The following DISP3 variants were observed in gnomAD, a reference collection of about 807,000 sequenced individuals.
The protein encoded by DISP3 is dispatched RND transporter family member 3.
Under a neutral mutation model 135.3 loss-of-function variants are expected in DISP3, and 101 were observed. The observed-to-expected ratio is 0.75, with a 90% CI of 0.64 to 0.88. DISP3 has a LOEUF of 0.88. Ranked by LOEUF, DISP3 falls within the 40% of genes least tolerant of loss-of-function variation. The pLI, the probability that DISP3 is intolerant of heterozygous loss-of-function variation, is 0.00. For missense variants in DISP3, 1,713 were observed against 1,878.6 expected, an observed-to-expected ratio of 0.91 and a Z score of 1.63; for synonymous variants, 856 against 817.0, an observed-to-expected ratio of 1.05 and a Z score of -0.81.
At chr1:11,482,580 G>T (rs570027367) in intron 1 of DISP3, among the ~76,000 whole-genome samples, 7 of 152,266 alleles carry the variant, frequency 4.6e-5, no homozygotes, top group African/African-American at 1.7e-4. Flanking sequence ...TAGTAGTGAT[G>T]GTTGACAATA....
chr1:11,493,213 G>A (rs1207823865), intron 1 of DISP3, among the ~76,000 whole-genome samples: 2 of 152,202 alleles, frequency 1.3e-5, no homozygotes, highest in Admixed American at 6.5e-5. Flanking sequence ...AGGGCCAATG[G>A]TGTAAGTTCT....
intron 13 of DISP3, among the ~76,000 whole-genome samples, chr1:11,528,631 C>T (rs78168531): frequency 7.2e-5 from 11 of 152,340 alleles, no homozygotes; most frequent in Non-Finnish European, 1.3e-4. Context: ...AACAGTGGTA[C>T]AAGGCCATGC....
At chr1:11,532,771 C>T (rs1037531561) in intron 17 of DISP3, among the ~76,000 whole-genome samples, 3 of 152,178 alleles carry the variant, frequency 2.0e-5, no homozygotes, top group African/African-American at 4.8e-5. Flanking sequence ...GATCTTGGCT[C>T]ACTGCAACCT....
At chr1:11,530,097 C>A (rs1282959710) in intron 15 of DISP3, 138 bp downstream of exon 15, 3 of 1,173,164 alleles carry the variant, frequency 2.6e-6, no homozygotes, top group Non-Finnish European at 2.3e-6. Flanking sequence ...CAGACAGAAC[C>A]CCTATGGGCC....
In DISP3 at chr1:11,535,065, C is replaced by G; in HGVS notation, c.3590C>G (p.Ala1197Gly). The G allele has an allele frequency of 6.2e-7, 1 of 1,608,000 alleles. No homozygotes were observed. Among genetic ancestry groups the G allele is most frequent in the East Asian group, 2.2e-5 (1 of 44,722 alleles). The change falls in exon 19 of 21, where the codon GCG becomes GGG. Residue 1197 changes from alanine (A) to glycine (G), a missense_variant. This residue lies in a region of DISP3 where 1,142 missense variants were observed against 1,384.6 expected (regional missense o/e 0.82). Coordinates refer to ENST00000294484, the MANE Select transcript of DISP3 (RefSeq NM_020780.2). ...CTATCCCTGCTCATCTGCGTGGCCG[C>G]GGTGGCCGTGTTCACCACCCACATC... The part of the protein sequence containing the change: ...LVLSLLICVA[A>G]VAVFTTHILL...
chr1:11,512,567 C>CTA (rs1431870394), intron 3 of DISP3, among the ~76,000 whole-genome samples: 1 of 152,200 alleles, frequency 6.6e-6, no homozygotes, highest in Non-Finnish European at 1.5e-5. Flanking sequence ...GTCCATATCA[C>CTA]TATCAGCATT....
In DISP3 at chr1:11,520,642, C is replaced by T; in HGVS notation, c.2201-45C>T. The T allele has an allele frequency of 6.3e-7, 1 of 1,593,242 alleles. No individual in the cohort carries two copies. Among genetic ancestry groups the T allele is most frequent in the Non-Finnish European group, 8.6e-7 (1 of 1,167,066 alleles). On this transcript the variant is annotated intron_variant, in intron 9 of 20. Transcript: ENST00000294484. The surrounding 1 kb of genome is among the most constrained non-coding windows in gnomAD (Gnocchi z 4.8). ...ACTTTGGAGCCCCACTGGGAACAGA[C>T]CAGCTGGGCCCAGCCCCGCCTGGTG...
Position 11,529,561 on chromosome 1 carries a change from T to C in DISP3, c.2804T>C (p.Leu935Pro). The C allele has an allele frequency of 6.4e-7, 1 of 1,558,048 alleles. No homozygotes were observed. The highest frequency in any genetic ancestry group is 8.7e-7 in the Non-Finnish European group (1 of 1,149,448). The change falls in exon 14 of 21, where the codon CTG becomes CCG. Residue 935 changes from leucine to proline, a missense_variant. Transcript: ENST00000294484. This position sits in a 1 kb window ranked among gnomAD's most constrained non-coding sequence, Gnocchi z 4.7. Reference sequence around the variant, plus strand: ...AGCCTCCATTCCCTCCACAGGAAGCTGTACTTCGCCCAGTCCCACAAGCCC... The same window carrying C: ...AGCCTCCATTCCCTCCACAGGAAGCCGTACTTCGCCCAGTCCCACAAGCCC... Reference protein sequence around the residue: ...ATKEQQHTRKLYFAQSHKPPF... With the variant: ...ATKEQQHTRKPYFAQSHKPPF...
intron 12 of DISP3, among the ~76,000 whole-genome samples, chr1:11,525,576 G>C (rs763095726): frequency 6.0e-4 from 91 of 152,344 alleles, no homozygotes; most frequent in Admixed American, 1.4e-3. Flanking sequence ...CTTACTCTCT[G>C]AGCCTCAGTT....
chr1:11,505,077 C>G (rs1398441266), intron 3 of DISP3, among the ~76,000 whole-genome samples: 1 of 152,232 alleles, frequency 6.6e-6, no homozygotes, highest in Non-Finnish European at 1.5e-5. Context: ...AATTGTAACT[C>G]ACAGTACATT....
intron 11 of DISP3, 129 bp from the exon 12 acceptor site, chr1:11,525,047 C>A: frequency 1.7e-6 from 2 of 1,157,486 alleles, no homozygotes; most frequent in Non-Finnish European, 2.5e-6. Context: ...GCACAGCCAG[C>A]ATTTTGAGAT....
At chr1:11,517,962 A>C (rs1229460785) in intron 7 of DISP3, among the ~76,000 whole-genome samples, 1 of 152,062 alleles carries the variant, frequency 6.6e-6, no homozygotes, top group Non-Finnish European at 1.5e-5. Context: ...CTGGATTTAA[A>C]CCCAAGAACT....
intron 1 of DISP3, among the ~76,000 whole-genome samples, chr1:11,493,062 A>G (rs1483485102): frequency 6.6e-6 from 1 of 152,182 alleles, no homozygotes; most frequent in East Asian, 1.9e-4. Flanking sequence ...GCATATATAT[A>G]TCAGAGAGAG....
chr1:11,487,318 C>T (rs2100360018), intron 1 of DISP3, among the ~76,000 whole-genome samples: 1 of 152,298 alleles, frequency 6.6e-6, no homozygotes, highest in African/African-American at 2.4e-5. Context: ...CATGGATGTC[C>T]TCCCTTCCTG....
chr1:11,517,603 G>A lies in DISP3; in HGVS notation c.1889+1G>A, dbSNP rs1393299232. 1.2e-6 allele frequency: 2 copies of A among 1,613,032 alleles called. No homozygotes were observed. The highest frequency in any genetic ancestry group is 3.3e-5 in the Admixed American group (2 of 60,004). On this transcript the variant is annotated splice_donor_variant, in intron 7 of 20. Transcript: ENST00000294484. LOFTEE classifies it high-confidence loss of function. The stretch of plus-strand genomic sequence containing the variant: ...CACTGGAGAGCTCCTGCCAGACCAG[G>A]TAAGTCGGGCAGGGCCTCCACCCAC...
chr1:11,524,096 G>A (rs969220914), intron 11 of DISP3, 41 bp downstream of exon 11: 10 of 1,476,238 alleles, frequency 6.8e-6, no homozygotes, highest in Non-Finnish European at 9.5e-6. Flanking sequence ...CCTCCCTGGT[G>A]CTAGGGTTGA....
intron 1 of DISP3, among the ~76,000 whole-genome samples, chr1:11,488,517 C>T (rs1411103246): frequency 1.3e-5 from 2 of 152,202 alleles, no homozygotes; most frequent in Admixed American, 1.3e-4. Flanking sequence ...CACCTGGGCA[C>T]CCGTGGTGGG....
chr1:11,509,009 AC>A (rs1327451398), intron 3 of DISP3, among the ~76,000 whole-genome samples: 2 of 152,164 alleles, frequency 1.3e-5, no homozygotes, highest in Non-Finnish European at 2.9e-5. Context: ...TCGATTTGAA[AC>A]TTTTCTTTCC....
At position 11,535,604 on chromosome 1, in the gene DISP3, A is replaced by T; in HGVS notation, c.3776A>T (p.Tyr1259Phe). The stretch of plus-strand genomic sequence containing the variant: ...TACTGCGTCCACCTGGTCGAGGGCT[A>T]CCTGCTGGCTGGAGAGAACCTGCCC... ...VDYCVHLVEG[Y>F]LLAGENLPPH... Residue 1259 changes from tyrosine to phenylalanine, a missense_variant, in exon 20 of 21, where the codon TAC becomes TTC. Tyr to Phe is a conservative substitution (Grantham distance 22, BLOSUM62 3). Coordinates refer to ENST00000294484, the MANE Select transcript of DISP3 (RefSeq NM_020780.2). 2 of 1,613,084 alleles carry T rather than the reference A, an allele frequency of 1.2e-6. No individual in the cohort carries two copies. Among genetic ancestry groups the T allele is most frequent in the Non-Finnish European group, 1.7e-6 (2 of 1,179,828 alleles).
Sources: gnomAD v4.1 joint callset for allele counts (sites outside exome capture counted in the v4.1 genomes callset) on GRCh38, gnomAD v4.1.1 for gene constraint, gnomAD v4.1.1 regional missense constraint, Gnocchi (gnomAD v3.1) non-coding constraint, MANE v1.5 for transcripts, NCBI Gene and HGNC (gene_info 2026-07-23, HGNC 2026-07-21) for gene names.